The following EFEMP1 variants were observed in gnomAD, a reference collection of about 807,000 sequenced individuals.
The protein encoded by EFEMP1 is EGF-like fibulin extracellular matrix protein 1.
In EFEMP1, 18 loss-of-function variants were observed where a neutral mutation model predicts 65.7. The ratio of observed to expected loss-of-function variants is 0.27; its 90% CI spans 0.19 to 0.41. The LOEUF is 0.41. Ranked by LOEUF, EFEMP1 falls within the 10% of genes least tolerant of loss-of-function variation. EFEMP1 has a pLI of 1.00. For synonymous variants in EFEMP1, 237 were observed against 219.7 expected, an observed-to-expected ratio of 1.08 and a Z score of -0.70; for missense variants, 469 against 624.8, an observed-to-expected ratio of 0.75 and a Z score of 2.66.
chr2:55,896,793 A>G lies in EFEMP1; in HGVS notation c.518-15059T>C, dbSNP rs80095913. Among the ~76,000 whole-genome samples the G allele has an allele frequency of 5.6e-3, 858 of 152,344 alleles. 7 individuals are homozygous for G. The highest frequency in any genetic ancestry group is 0.018 in the African/African-American group (762 of 41,586). ...TTGCATACACAAGTTTCAGACTGAT[A>G]CAGGGCATCTTTCATTTTGTATAAA... On this transcript the variant is annotated intron_variant, in intron 5 of 11. Coordinates refer to ENST00000355426, the MANE Select transcript of EFEMP1 (RefSeq NM_001039348.3).
intron 5 of EFEMP1, 55 bp from the exon 6 acceptor site, chr2:55,881,789 T>G: frequency 6.2e-7 from 1 of 1,612,438 alleles, no homozygotes; most frequent in Non-Finnish European, 8.5e-7. Context: ...TGTTGATATT[T>G]CCTCCATTTT....
chr2:55,887,753 A>G (rs1669473520), intron 5 of EFEMP1, among the ~76,000 whole-genome samples: 1 of 152,218 alleles, frequency 6.6e-6, no homozygotes, highest in African/African-American at 2.4e-5. Context: ...AAACAAAAAT[A>G]TCACCAAAAT....
rs1668795136 is a variant in EFEMP1 at position 55,871,178 on chromosome 2, T to C, written c.1001-55A>G. On this transcript the variant is annotated intron_variant, in intron 9 of 11. Transcript: ENST00000355426. The surrounding 1 kb of genome is among the most constrained non-coding windows in gnomAD (Gnocchi z 4.2). ...TAACTAAACTAATGAACTGATCTAATTAAATCATATAACTGGCAGATTCTG... is the reference window on the plus strand; with the variant it reads ...TAACTAAACTAATGAACTGATCTAACTAAATCATATAACTGGCAGATTCTG... 1.5e-5 allele frequency: 24 copies of C among 1,609,608 alleles called. No homozygotes were observed. The highest frequency in any genetic ancestry group is 2.0e-5 in the Non-Finnish European group (23 of 1,178,260).
intron 5 of EFEMP1, among the ~76,000 whole-genome samples, chr2:55,900,604 A>C (rs889378946): frequency 6.6e-6 from 1 of 152,154 alleles, no homozygotes; most frequent in Non-Finnish European, 1.5e-5. Flanking sequence ...TACCAAAAAA[A>C]CCCAAAACTT....
intron 5 of EFEMP1, among the ~76,000 whole-genome samples, chr2:55,908,649 C>A (rs1670372050): frequency 1.3e-5 from 2 of 151,886 alleles, no homozygotes; most frequent in Non-Finnish European, 2.9e-5. Context: ...TTTAATCATC[C>A]CATAGTGTAT....
chr2:55,904,850 C>T (rs1670181854), intron 5 of EFEMP1, among the ~76,000 whole-genome samples: 2 of 152,142 alleles, frequency 1.3e-5, no homozygotes, highest in African/African-American at 2.4e-5. Flanking sequence ...ATCTCTCTCC[C>T]TCTTTTTCTC....
At chr2:55,911,002 T>C (rs1216833325) in intron 5 of EFEMP1, among the ~76,000 whole-genome samples, 1 of 152,172 alleles carries the variant, frequency 6.6e-6, no homozygotes, top group Non-Finnish European at 1.5e-5. Flanking sequence ...CTATAGAAGA[T>C]ATAGGTATCA....
In EFEMP1 at chr2:55,922,254, C is replaced by T; in HGVS notation, c.81+106G>A. 3 of 1,022,598 alleles carry T rather than the reference C, an allele frequency of 2.9e-6. No homozygotes were observed. The highest frequency in any genetic ancestry group is 1.3e-5 in the South Asian group (1 of 78,072). The allele number at this position is 1,022,598 out of a possible 1,614,324, so 63.3% of individuals were successfully genotyped here. A position where few individuals can be genotyped will look rare whatever the true frequency, so the allele number is the denominator to read the frequency against. ...GAATGAAGTGTTGTTTAATTTATCA[C>T]CCTCAGCAGAGTATAGCCCAAATAC... On this transcript the variant is annotated intron_variant, in intron 3 of 11. Transcript: ENST00000355426. The surrounding 1 kb of genome is among the most constrained non-coding windows in gnomAD (Gnocchi z 5.5).
chr2:55,914,142 A>G (rs1670587194), intron 5 of EFEMP1, among the ~76,000 whole-genome samples: 1 of 152,202 alleles, frequency 6.6e-6, no homozygotes, highest in Non-Finnish European at 1.5e-5. Flanking sequence ...TTTGAGGCAG[A>G]TGATATCTAA....
At chr2:55,912,369 CA>C (rs1483706222) in intron 5 of EFEMP1, among the ~76,000 whole-genome samples, 1 of 152,094 alleles carries the variant, frequency 6.6e-6, no homozygotes, top group Admixed American at 6.5e-5. Flanking sequence ...ATGACAATGC[CA>C]GGTATCTAAG....
At position 55,917,529 on chromosome 2, in the gene EFEMP1, G is replaced by A; in HGVS notation, c.517+136C>T. The A allele has an allele frequency of 1.8e-6, 2 of 1,135,664 alleles. No homozygotes were observed. Among genetic ancestry groups the A allele is most frequent in the East Asian group, 4.7e-5 (2 of 42,386 alleles). The allele number at this position is 1,135,664 out of a possible 1,614,324, so 70.3% of individuals were successfully genotyped here. A position where few individuals can be genotyped will look rare whatever the true frequency, so the allele number is the denominator to read the frequency against. On this transcript the variant is annotated intron_variant, in intron 5 of 11. Coordinates refer to ENST00000355426, the MANE Select transcript of EFEMP1 (RefSeq NM_001039348.3). The surrounding 1 kb of genome is among the most constrained non-coding windows in gnomAD (Gnocchi z 6.3). ...AACTACCCTTTAGGAATATTGTGAT[G>A]ATTAAATATAATGCAGACAAAGCAC...
At chr2:55,908,914 A>G (rs1670381339) in intron 5 of EFEMP1, among the ~76,000 whole-genome samples, 1 of 152,176 alleles carries the variant, frequency 6.6e-6, no homozygotes, top group Non-Finnish European at 1.5e-5. Flanking sequence ...AGTGTTCCCA[A>G]TTACTAGTCT....
intron 5 of EFEMP1, among the ~76,000 whole-genome samples, chr2:55,909,763 G>T (rs997857233): frequency 2.0e-5 from 3 of 152,040 alleles, no homozygotes; most frequent in Admixed American, 6.6e-5. Context: ...TCTACTTTTG[G>T]CAATTCATTA....
chr2:55,869,640 AC>A (rs1342879902), intron 11 of EFEMP1, among the ~76,000 whole-genome samples: 1 of 152,196 alleles, frequency 6.6e-6, no homozygotes, highest in Admixed American at 6.5e-5. Context: ...TGTAAACTGT[AC>A]CACAAGGATG....
intron 5 of EFEMP1, among the ~76,000 whole-genome samples, chr2:55,890,292 T>G (rs534264682): frequency 6.6e-6 from 1 of 152,128 alleles, no homozygotes; most frequent in African/African-American, 2.4e-5. Flanking sequence ...ATTCTAAATT[T>G]AAATGCACTT....
At position 55,871,232 on chromosome 2, in the gene EFEMP1, T is replaced by C. The variant is rs144184617; in HGVS notation, c.1001-109A>G. 89 of 1,500,758 alleles carry C rather than the reference T, an allele frequency of 5.9e-5. No individual in the cohort carries two copies. In the African/African-American group the frequency reaches 1.1e-3, roughly 19 times the overall value. The allele number at this position is 1,500,758 out of a possible 1,614,324, so 93.0% of individuals were successfully genotyped here. ...GCAAGGAAGGAGGTGTGAGAGCATC[T>C]GGACTGTGTTCAACCTGCTTTTAGA... is the stretch of plus-strand genomic sequence containing the variant. On this transcript the variant is annotated intron_variant, in intron 9 of 11. Transcript: ENST00000355426. The surrounding 1 kb of genome is among the most constrained non-coding windows in gnomAD (Gnocchi z 4.2).
Position 55,923,031 on chromosome 2 carries a change from A to G in EFEMP1, c.-48-92T>C. On this transcript the variant is annotated intron_variant, in intron 1 of 11. Coordinates refer to ENST00000355426, the MANE Select transcript of EFEMP1 (RefSeq NM_001039348.3). This position sits in a 1 kb window ranked among gnomAD's most constrained non-coding sequence, Gnocchi z 5.3. ...ACTCGGAGAGCAATCTTCCAGTTCT[A>G]GTAGAATACTAGACCTTCTCACATG... The G allele has an allele frequency of 1.1e-6, 1 of 883,656 alleles. No homozygotes were observed. The highest frequency in any genetic ancestry group is 1.4e-6 in the Non-Finnish European group (1 of 728,998). 54.7% of individuals were successfully genotyped at this position (883,656 alleles called of 1,614,324 possible).
At position 55,873,927 on chromosome 2, in the gene EFEMP1, A is replaced by C. The variant is rs554903010; in HGVS notation, c.1000+1019T>G. Among the ~76,000 whole-genome samples the C allele has an allele frequency of 6.6e-6, 1 of 152,044 alleles. No individual in the cohort carries two copies. The highest frequency in any genetic ancestry group is 2.1e-4 in the South Asian group (1 of 4,814). On this transcript the variant is annotated intron_variant, in intron 9 of 11. Transcript: ENST00000355426. This position sits in a 1 kb window ranked among gnomAD's most constrained non-coding sequence, Gnocchi z 4.6. ...TGCCTTCACTCCAACTCTGATTAAA[A>C]AGGACTCTCTACAGAAGACGTACTA... is the stretch of plus-strand genomic sequence containing the variant.
Position 55,873,373 on chromosome 2 carries a change from G to T in EFEMP1, c.1000+1573C>A, listed in dbSNP as rs544111005. ...TTAGGAATCCCCCACTTACAATTTT[G>T]GTGCATTTTCCACCTTTAATTACAA... is the stretch of plus-strand genomic sequence containing the variant. On this transcript the variant is annotated intron_variant, in intron 9 of 11. Transcript: ENST00000355426. This position sits in a 1 kb window ranked among gnomAD's most constrained non-coding sequence, Gnocchi z 4.6. Among the ~76,000 whole-genome samples, 1 of 152,036 alleles carries T rather than the reference G, an allele frequency of 6.6e-6. No homozygotes were observed. Among genetic ancestry groups the T allele is most frequent in the South Asian group, 2.1e-4 (1 of 4,812 alleles).
Sources: gnomAD v4.1 joint callset for allele counts (sites outside exome capture counted in the v4.1 genomes callset) on GRCh38, gnomAD v4.1.1 for gene constraint, Gnocchi (gnomAD v3.1) non-coding constraint, MANE v1.5 for transcripts, NCBI Gene and HGNC (gene_info 2026-07-23, HGNC 2026-07-21) for gene names.